Variants in AGBL1 observed in about 807,000 individuals in gnomAD.
The protein encoded by AGBL1 is AGBL carboxypeptidase 1, also known as cytosolic carboxypeptidase 4.
AGBL1 carries 130 observed loss-of-function variants against 118.9 expected under a neutral mutation model. The ratio of observed to expected loss-of-function variants is 1.09; its 90% CI spans 0.95 to 1.26. The LOEUF is 1.26. AGBL1 is among the 50% of genes most tolerant of loss of function. AGBL1 has a pLI of 0.00. For synonymous variants in AGBL1, 555 were observed against 478.9 expected, an observed-to-expected ratio of 1.16 and a Z score of -2.08; for missense variants, 1,584 against 1,298.1, an observed-to-expected ratio of 1.22 and a Z score of -3.38.
intron 24 of AGBL1, among the ~76,000 whole-genome samples, chr15:87,005,428 G>T (rs538613863): frequency 6.6e-6 from 1 of 151,616 alleles, no homozygotes; most frequent in Non-Finnish European, 1.5e-5. Context: ...TTCTCACTTC[G>T]TTTCATTCAT....
intron 22 of AGBL1, among the ~76,000 whole-genome samples, chr15:86,859,525 G>A (rs2079531320): frequency 6.6e-6 from 1 of 152,170 alleles, no homozygotes; most frequent in Admixed American, 6.5e-5. Context: ...ATAAATCCAT[G>A]CTACTTGGGA....
intron 22 of AGBL1, among the ~76,000 whole-genome samples, chr15:86,795,632 T>G (rs1374973695): frequency 6.6e-6 from 1 of 150,612 alleles, no homozygotes; most frequent in East Asian, 2.0e-4. Flanking sequence ...TCACCCAGGC[T>G]GGAGTGCAAT....
At chr15:86,156,110 A>G (rs2077186330) in intron 4 of AGBL1, among the ~76,000 whole-genome samples, 1 of 152,062 alleles carries the variant, frequency 6.6e-6, no homozygotes, top group Admixed American at 6.6e-5. Flanking sequence ...TAGTAGGGAC[A>G]GGGTTTCACC....
Position 86,615,761 on chromosome 15 carries a change from G to A in AGBL1, c.2995-58512G>A, listed in dbSNP as rs1210204319. On this transcript the variant is annotated intron_variant, in intron 21 of 22. Coordinates refer to ENST00000614907, the MANE Select transcript of AGBL1 (RefSeq NM_001386094.1). The surrounding 1 kb of genome is among the most constrained non-coding windows in gnomAD (Gnocchi z 4.3). Reference sequence around the variant, plus strand: ...TGTGAGTTTTATATTGTGGACAGAGGTTAAAAAATAGATTTAAAAGTCAAC... The same window carrying A: ...TGTGAGTTTTATATTGTGGACAGAGATTAAAAAATAGATTTAAAAGTCAAC... Among the ~76,000 whole-genome samples, 1 of 152,154 alleles carries A rather than the reference G, an allele frequency of 6.6e-6. No homozygotes were observed. The highest frequency in any genetic ancestry group is 1.9e-4 in the East Asian group (1 of 5,188).
chr15:86,212,000 G>A (rs778136915), intron 5 of AGBL1, among the ~76,000 whole-genome samples: 5 of 152,106 alleles, frequency 3.3e-5, no homozygotes, highest in Admixed American at 1.3e-4. Context: ...TTTAAGAGTT[G>A]TCTCCTGGAA....
intron 24 of AGBL1, among the ~76,000 whole-genome samples, chr15:87,011,745 A>C (rs965243277): frequency 1.3e-5 from 2 of 152,208 alleles, no homozygotes; most frequent in Non-Finnish European, 2.9e-5. Context: ...ATTTTCTGAG[A>C]TATTTGCTTA....
In AGBL1 at chr15:86,958,088, C is replaced by G. The variant is rs577488616; in HGVS notation, c.3222-29899C>G. Among the ~76,000 whole-genome samples the G allele has an allele frequency of 2.6e-5, 4 of 151,668 alleles. No homozygotes were observed. The South Asian group carries it at 6.3e-4, about 24-fold the overall frequency. On this transcript the variant is annotated intron_variant, in intron 23 of 24. Coordinates refer to the AGBL1 transcript ENST00000441037. ...GATTGTGTGTCATACAACTGTAGTC[C>G]CAGCTACTTGGGAAGCTGAGACAGG...
intron 23 of AGBL1, among the ~76,000 whole-genome samples, chr15:86,947,332 T>C (rs956092590): frequency 3.3e-5 from 5 of 152,206 alleles, no homozygotes; most frequent in African/African-American, 7.2e-5. Context: ...GCTTGTCTTA[T>C]TGACCTGACC....
chr15:86,286,940 T>G (rs1256222383), intron 16 of AGBL1, among the ~76,000 whole-genome samples: 1 of 152,034 alleles, frequency 6.6e-6, no homozygotes, highest in Non-Finnish European at 1.5e-5. Context: ...AACTTCATAC[T>G]GTTTTCCAAA....
intron 22 of AGBL1, among the ~76,000 whole-genome samples, chr15:86,740,504 G>T (rs2077662369): frequency 6.6e-6 from 1 of 152,204 alleles, no homozygotes; most frequent in Admixed American, 6.5e-5. Flanking sequence ...GTAGATTCAA[G>T]ATGATCCAAA....
chr15:86,824,786 G>A (rs936542454), intron 22 of AGBL1, among the ~76,000 whole-genome samples: 1 of 152,046 alleles, frequency 6.6e-6, no homozygotes, highest in East Asian at 1.9e-4. Flanking sequence ...GGTCTGGTAT[G>A]GTGCCTTACA....
chr15:86,956,814 C>T (rs569624465), intron 23 of AGBL1, among the ~76,000 whole-genome samples: 30 of 152,128 alleles, frequency 2.0e-4, no homozygotes, highest in Non-Finnish European at 1.3e-4. Context: ...TTTCATAGAG[C>T]AATGTAGCAG....
Position 86,912,342 on chromosome 15 carries a change from T to A in AGBL1, c.*5048T>A, listed in dbSNP as rs1030660827. On this transcript the variant is annotated 3_prime_UTR_variant, in exon 23 of 23. Transcript: ENST00000614907. ...AATGGAGGGGTGGCATCTCCAAGGG[T>A]TCCCAGGAGCTGCCACATTTACCCA... 3 of 151,928 alleles carry A rather than the reference T, an allele frequency of 2.0e-5. No individual in the cohort carries two copies. The highest frequency in any genetic ancestry group is 7.3e-5 in the African/African-American group (3 of 41,328). The allele number at this position is 151,928 out of a possible 1,614,324, so 9.4% of individuals were successfully genotyped here.
chr15:86,626,836 CTTTTTTTTTT>C (rs11318598), intron 21 of AGBL1, among the ~76,000 whole-genome samples: 1 of 117,828 alleles, frequency 8.5e-6, no homozygotes, highest in East Asian at 2.4e-4. Context: ...ATATACTTTT[CTTTTTTTTTT>C]TTTTTTTTTG....
chr15:86,279,286 C>T (rs552098439), intron 15 of AGBL1, among the ~76,000 whole-genome samples: 9 of 152,164 alleles, frequency 5.9e-5, no homozygotes, highest in Non-Finnish European at 1.2e-4. Context: ...AAGTTTATGT[C>T]TCCAATTGAA....
At chr15:86,260,219 C>T (rs751203534) in intron 9 of AGBL1, among the ~76,000 whole-genome samples, 4 of 152,174 alleles carry the variant, frequency 2.6e-5, no homozygotes, top group Admixed American at 1.3e-4. Context: ...CTGCCAGAGG[C>T]GTGAACAAGA....
chr15:86,505,817 T>G (rs570704567), intron 18 of AGBL1, among the ~76,000 whole-genome samples: 1 of 152,030 alleles, frequency 6.6e-6, no homozygotes, highest in Non-Finnish European at 1.5e-5. Flanking sequence ...TTTCTGTGTA[T>G]AGCCTATGCT....
intron 17 of AGBL1, among the ~76,000 whole-genome samples, chr15:86,380,935 A>AGTGT (rs139872296): frequency 0.044 from 6,649 of 149,582 alleles, 221 homozygotes; most frequent in East Asian, 0.15. Flanking sequence ...TTACTTATAA[A>AGTGT]GTGTGTGTGT....
chr15:86,610,717 G>A (rs1322567276), intron 21 of AGBL1, among the ~76,000 whole-genome samples: 1 of 152,180 alleles, frequency 6.6e-6, no homozygotes, highest in East Asian at 1.9e-4. Flanking sequence ...GACGTTCCAA[G>A]GTAGGTCCAA....
Sources: allele counts gnomAD v4.1 joint callset (sites outside exome capture counted in the v4.1 genomes callset), GRCh38; gene constraint gnomAD v4.1.1; non-coding constraint Gnocchi (gnomAD v3.1); transcripts MANE v1.5; gene names NCBI Gene and HGNC (gene_info 2026-07-23, HGNC 2026-07-21).